The following EXOC6B variants were observed in gnomAD, a reference collection of about 807,000 sequenced individuals.
EXOC6B encodes the protein exocyst complex component 6B, also known as SEC15 homolog B.
Under a neutral mutation model 113.5 loss-of-function variants are expected in EXOC6B, and 54 were observed. That is an observed-to-expected ratio of 0.48 (90% CI 0.38 to 0.60). The LOEUF (loss-of-function observed/expected upper bound fraction) is 0.60, where lower values mean the gene tolerates loss of function less well. EXOC6B is among the 20% of genes least tolerant of loss of function. The pLI is 0.00. For missense variants in EXOC6B, 797 were observed against 977.5 expected (o/e 0.82, Z 2.46); for synonymous variants, 357 against 339.0 (o/e 1.05, Z -0.58).
chr2:72,789,423 G>T (rs903660026), intron 1 of EXOC6B, among the ~76,000 whole-genome samples: 2 of 152,192 alleles, frequency 1.3e-5, no homozygotes, highest in Admixed American at 1.3e-4. Flanking sequence ...ATGTTTGGTG[G>T]TTTGTTGGAG....
At chr2:72,766,796 A>C (rs1683082334) in intron 1 of EXOC6B, among the ~76,000 whole-genome samples, 1 of 151,834 alleles carries the variant, frequency 6.6e-6, no homozygotes, top group Non-Finnish European at 1.5e-5. Context: ...TCTATCAAAA[A>C]TAGAAAAATC....
chr2:72,601,272 T>A (rs1321509439), intron 6 of EXOC6B, among the ~76,000 whole-genome samples: 1 of 151,872 alleles, frequency 6.6e-6, no homozygotes, highest in Admixed American at 6.6e-5. Flanking sequence ...AAGCTCCACC[T>A]CCCGGGTTCA....
intron 1 of EXOC6B, among the ~76,000 whole-genome samples, chr2:72,817,539 G>A (rs1213145925): frequency 6.6e-6 from 1 of 152,072 alleles, no homozygotes; most frequent in African/African-American, 2.4e-5. Context: ...GCACCCTTTG[G>A]GTTCCCAGGA....
At chr2:72,642,265 T>G (rs1246995657) in intron 6 of EXOC6B, among the ~76,000 whole-genome samples, 2 of 147,338 alleles carry the variant, frequency 1.4e-5, no homozygotes, top group East Asian at 2.0e-4. Context: ...AAAAACTACT[T>G]TAAAGTTCAT....
At chr2:72,655,238 G>A (rs1386896973) in intron 6 of EXOC6B, among the ~76,000 whole-genome samples, 3 of 151,972 alleles carry the variant, frequency 2.0e-5, no homozygotes, top group Non-Finnish European at 2.9e-5. Context: ...CAATAGATGG[G>A]GAATATGGAG....
chr2:72,301,594 A>T (rs191471417), intron 20 of EXOC6B, among the ~76,000 whole-genome samples: 78 of 152,234 alleles, frequency 5.1e-4, no homozygotes, highest in Non-Finnish European at 1.0e-4. Flanking sequence ...TGTGTCCAGG[A>T]ATTTATCCAT....
intron 11 of EXOC6B, among the ~76,000 whole-genome samples, chr2:72,501,659 T>C (rs1344149229): frequency 6.6e-6 from 1 of 151,566 alleles, no homozygotes; most frequent in Admixed American, 6.6e-5. Flanking sequence ...GGTTAATAAA[T>C]TATATCCTTT....
chr2:72,425,196 G>A (rs1282248110), intron 18 of EXOC6B, among the ~76,000 whole-genome samples: 1 of 151,904 alleles, frequency 6.6e-6, no homozygotes, highest in Non-Finnish European at 1.5e-5. Flanking sequence ...TTTATGGCCT[G>A]GATTTTATTA....
At chr2:72,653,842 T>C (rs1674391840) in intron 6 of EXOC6B, among the ~76,000 whole-genome samples, 1 of 152,124 alleles carries the variant, frequency 6.6e-6, no homozygotes, top group Admixed American at 6.5e-5. Context: ...ATTACAGCAA[T>C]GCTACAAATG....
chr2:72,461,124 C>T (rs188043485), intron 18 of EXOC6B, among the ~76,000 whole-genome samples: 68 of 147,744 alleles, frequency 4.6e-4, no homozygotes, highest in Middle Eastern at 7.1e-3. Flanking sequence ...AACCAAACAC[C>T]GCATGTTCTC....
intron 20 of EXOC6B, among the ~76,000 whole-genome samples, chr2:72,274,539 A>G (rs1684698264): frequency 6.6e-6 from 1 of 152,176 alleles, no homozygotes; most frequent in South Asian, 2.1e-4. Flanking sequence ...AGGAAAGACA[A>G]GAGTATTTAA....
chr2:72,751,638 A>G (rs1035172574), intron 1 of EXOC6B, among the ~76,000 whole-genome samples: 3 of 152,310 alleles, frequency 2.0e-5, no homozygotes, highest in East Asian at 1.9e-4. Context: ...AATAAAAACT[A>G]TAACAACTGT....
At chr2:72,537,628 T>G (rs955337912) in intron 8 of EXOC6B, among the ~76,000 whole-genome samples, 3 of 151,942 alleles carry the variant, frequency 2.0e-5, no homozygotes, top group African/African-American at 7.2e-5. Flanking sequence ...GTGAGACCCT[T>G]TCTCAAAAAA....
intron 20 of EXOC6B, among the ~76,000 whole-genome samples, chr2:72,285,539 G>C (rs1202053902): frequency 6.6e-6 from 1 of 151,962 alleles, no homozygotes; most frequent in Non-Finnish European, 1.5e-5. Context: ...GCTCATAGAA[G>C]ATAACATAAG....
At chr2:72,497,700 C>T (rs535169098) in intron 13 of EXOC6B, among the ~76,000 whole-genome samples, 3 of 152,006 alleles carry the variant, frequency 2.0e-5, no homozygotes, top group Admixed American at 6.6e-5. Flanking sequence ...GAGTAAAGGA[C>T]TAATGTAAGA....
chr2:72,757,898 T>C (rs939198052), intron 1 of EXOC6B, among the ~76,000 whole-genome samples: 4 of 152,096 alleles, frequency 2.6e-5, no homozygotes, highest in Admixed American at 1.3e-4. Flanking sequence ...CAGTGGCTCA[T>C]GCTTGTAATC....
intron 20 of EXOC6B, among the ~76,000 whole-genome samples, chr2:72,234,378 C>T (rs748620868): frequency 1.3e-5 from 2 of 152,124 alleles, no homozygotes; most frequent in Non-Finnish European, 1.5e-5. Context: ...GCACTGCGCC[C>T]AGCCTTCTTC....
At chr2:72,217,845 C>G (rs1680633312) in intron 20 of EXOC6B, among the ~76,000 whole-genome samples, 1 of 152,134 alleles carries the variant, frequency 6.6e-6, no homozygotes, top group Admixed American at 6.5e-5. Context: ...TATGCCTCAA[C>G]TTGGACAGGA....
chr2:72,707,548 G>A lies in EXOC6B; in HGVS notation c.669+10555C>T, dbSNP rs2104671404. Among the ~76,000 whole-genome samples the A allele has an allele frequency of 1.3e-5, 2 of 151,730 alleles. 1 individual carries two copies. Among genetic ancestry groups the A allele is most frequent in the South Asian group, 4.2e-4 (2 of 4,784 alleles). ...CCTGCCTCAGCCTCCCGAGTAGCTG[G>A]GATTACAGGTGCCAGCCATCACGCC... is the stretch of plus-strand genomic sequence containing the variant. On this transcript the variant is annotated intron_variant, in intron 6 of 21. Transcript: ENST00000272427.
Sources: allele counts gnomAD v4.1 joint callset (sites outside exome capture counted in the v4.1 genomes callset), GRCh38; gene constraint gnomAD v4.1.1; transcripts MANE v1.5; gene names NCBI Gene and HGNC (gene_info 2026-07-23, HGNC 2026-07-21).